The following AQP9 variants were observed in gnomAD, a reference collection of about 807,000 sequenced individuals.
The protein encoded by AQP9 is aquaporin 9, also known as aquaporin-9.
Under a neutral mutation model 23.8 loss-of-function variants are expected in AQP9, and 19 were observed. The observed-to-expected ratio is 0.80, with a 90% CI of 0.56 to 1.17. AQP9 has a LOEUF of 1.17. AQP9 is among the 50% of genes most tolerant of loss of function. The probability of loss-of-function intolerance (pLI) is 0.00; values close to 1 mark genes in which losing one functional copy is unlikely to be tolerated. For missense variants in AQP9, 413 were observed against 362.0 expected (o/e 1.14, Z -1.14); for synonymous variants, 153 against 131.5 (o/e 1.16, Z -1.12).
At chr15:58,182,138 C>A (rs1421030517) in intron 5 of AQP9, among the ~76,000 whole-genome samples, 3 of 152,070 alleles carry the variant, frequency 2.0e-5, no homozygotes, top group African/African-American at 7.2e-5. Context: ...CTTGGTTTTT[C>A]CTTTAAATGT....
At chr15:58,166,299 G>T (rs568256179) in intron 1 of AQP9, among the ~76,000 whole-genome samples, 1 of 152,190 alleles carries the variant, frequency 6.6e-6, no homozygotes, top group South Asian at 2.1e-4. Context: ...GAACCAGTGG[G>T]TAACAGGTAC....
rs1221367206 is a variant in AQP9 at position 58,185,435 on chromosome 15, C to T, written c.*1300C>T. ...CCCTCATTGTCTGGGTCTATTCCCA[C>T]ACTTACTGAGTACAGATGAAGGAAA... On this transcript the variant is annotated 3_prime_UTR_variant, in exon 6 of 6. Transcript: ENST00000219919. The T allele has an allele frequency of 1.3e-5, 2 of 152,626 alleles. No homozygotes were observed. The highest frequency in any genetic ancestry group is 4.8e-5 in the African/African-American group (2 of 41,442). The allele number at this position is 152,626 out of a possible 1,614,324, so 9.5% of individuals were successfully genotyped here.
chr15:58,164,757 T>C (rs1319283372), intron 1 of AQP9, among the ~76,000 whole-genome samples: 1 of 152,186 alleles, frequency 6.6e-6, no homozygotes, highest in Non-Finnish European at 1.5e-5. Context: ...ACGTAATTTC[T>C]CTGCTGTCAG....
intron 5 of AQP9, among the ~76,000 whole-genome samples, chr15:58,181,988 G>A (rs1218388925): frequency 2.6e-5 from 4 of 151,986 alleles, no homozygotes; most frequent in African/African-American, 9.7e-5. Flanking sequence ...CTACACCTAA[G>A]GTCTTAGAAA....
chr15:58,138,351 A>C (rs1897892917), upstream of AQP9: 1 of 442,666 alleles, frequency 2.3e-6, no homozygotes, highest in Non-Finnish European at 4.1e-6. Flanking sequence ...GCAGATTCAA[A>C]CAAATAGCAG....
At chr15:58,173,834 C>G (rs146376726) in intron 3 of AQP9, among the ~76,000 whole-genome samples, 5 of 152,218 alleles carry the variant, frequency 3.3e-5, no homozygotes, top group African/African-American at 9.6e-5. Flanking sequence ...AGATGACTCT[C>G]GAGGCCTTTC....
intron 1 of AQP9, among the ~76,000 whole-genome samples, chr15:58,165,843 A>G (rs769381046): frequency 5.9e-5 from 9 of 152,230 alleles, no homozygotes; most frequent in Admixed American, 1.3e-4. Context: ...AATGCTTACT[A>G]TCAGCACAGC....
intron 3 of AQP9, among the ~76,000 whole-genome samples, chr15:58,173,758 A>T (rs1212026365): frequency 1.3e-5 from 2 of 152,224 alleles, no homozygotes; most frequent in African/African-American, 4.8e-5. Context: ...TACCTGTGCA[A>T]CTTAAATAAG....
chr15:58,181,034 C>T (rs531492512), intron 5 of AQP9, among the ~76,000 whole-genome samples: 1 of 152,284 alleles, frequency 6.6e-6, no homozygotes, highest in South Asian at 2.1e-4. Flanking sequence ...GTCTTGGAGA[C>T]CAAGCTCTTC....
intron 1 of AQP9, among the ~76,000 whole-genome samples, chr15:58,146,443 T>C (rs1898045988): frequency 6.6e-6 from 1 of 152,122 alleles, no homozygotes; most frequent in East Asian, 1.9e-4. Context: ...CTATATGTTT[T>C]ATTTGGTTCT....
At chr15:58,160,930 A>G (rs1898366665) in intron 1 of AQP9, among the ~76,000 whole-genome samples, 1 of 152,190 alleles carries the variant, frequency 6.6e-6, no homozygotes, top group Admixed American at 6.5e-5. Flanking sequence ...TCATCAGCTC[A>G]AAGGGCTCCA....
At chr15:58,157,365 C>T (rs1223938828) in intron 1 of AQP9, among the ~76,000 whole-genome samples, 1 of 152,188 alleles carries the variant, frequency 6.6e-6, no homozygotes, top group Admixed American at 6.5e-5. Context: ...TGAATACATA[C>T]CATCTGGGTG....
At chr15:58,183,833 T>C in intron 5 of AQP9, 128 bp from the exon 6 acceptor site, 1 of 1,030,700 alleles carries the variant, frequency 9.7e-7, no homozygotes, top group Non-Finnish European at 1.5e-6. Context: ...GCCCCCCTTA[T>C]ACTTAGCTCT....
At chr15:58,173,317 G>A in intron 3 of AQP9, 112 bp downstream of exon 3, 1 of 1,441,582 alleles carries the variant, frequency 6.9e-7, no homozygotes. Flanking sequence ...CATTCTACAA[G>A]TGACAGCAAG....
intron 3 of AQP9, among the ~76,000 whole-genome samples, chr15:58,174,304 A>G (rs1172034025): frequency 6.6e-6 from 1 of 152,032 alleles, no homozygotes; most frequent in African/African-American, 2.4e-5. Flanking sequence ...AAAAAGAAAA[A>G]AAAAAAGGAA....
At chr15:58,147,050 A>G (rs1037785173) in intron 1 of AQP9, among the ~76,000 whole-genome samples, 1 of 152,278 alleles carries the variant, frequency 6.6e-6, no homozygotes, top group East Asian at 1.9e-4. Context: ...TTACAGTTTC[A>G]AGGCGCTTGG....
intron 1 of AQP9, chr15:58,153,308 T>C (rs1898185820): frequency 6.6e-6 from 1 of 152,210 alleles, no homozygotes; most frequent in Non-Finnish European, 1.5e-5. Context: ...CCTTCCACTG[T>C]AGAAGGCCCA....
intron 2 of AQP9, among the ~76,000 whole-genome samples, chr15:58,170,527 C>T (rs1055803830): frequency 1.3e-5 from 2 of 151,978 alleles, no homozygotes; most frequent in African/African-American, 4.8e-5. Flanking sequence ...GCCTCAGCCT[C>T]CCAAGTAGCT....
At chr15:58,169,575 G>T (rs879746780) in intron 2 of AQP9, among the ~76,000 whole-genome samples, 5 of 152,204 alleles carry the variant, frequency 3.3e-5, no homozygotes, top group Non-Finnish European at 5.9e-5. Context: ...GGCTTGTAAG[G>T]TCTGCTTGAA....
Sources: allele counts gnomAD v4.1 joint callset (sites outside exome capture counted in the v4.1 genomes callset), GRCh38; gene constraint gnomAD v4.1.1; transcripts MANE v1.5; gene names NCBI Gene and HGNC (gene_info 2026-07-23, HGNC 2026-07-21).